The following WWOX variants were observed in gnomAD, a reference collection of about 807,000 sequenced individuals.
WWOX encodes WW domain-containing oxidoreductase.
WWOX carries 69 observed loss-of-function variants against 46.2 expected under a neutral mutation model. That is an observed-to-expected ratio of 1.49 (90% CI 1.23 to 1.82). WWOX has a LOEUF of 1.82. WWOX is among the 40% of genes most tolerant of loss of function. The probability of loss-of-function intolerance (pLI) is 0.00; values close to 1 mark genes in which losing one functional copy is unlikely to be tolerated. For synonymous variants in WWOX, 359 were observed against 202.6 expected (o/e 1.77, Z -6.56); for missense variants, 919 against 542.6 (o/e 1.69, Z -6.89).
At chr16:78,478,423 C>G (rs894776924) in intron 8 of WWOX, among the ~76,000 whole-genome samples, 2 of 152,096 alleles carry the variant, frequency 1.3e-5, no homozygotes, top group Admixed American at 6.5e-5. Flanking sequence ...ATTTACCACC[C>G]CGGGGTTCCT....
At chr16:79,176,971 G>A (rs1382648441) in intron 8 of WWOX, among the ~76,000 whole-genome samples, 3 of 152,090 alleles carry the variant, frequency 2.0e-5, no homozygotes, top group Non-Finnish European at 4.4e-5. Flanking sequence ...GCTGAAAATG[G>A]AGTACAATGA....
chr16:78,693,020 A>G lies in WWOX; in HGVS notation c.1056+260268A>G, dbSNP rs528719956. On this transcript the variant is annotated intron_variant, in intron 8 of 8. Transcript: ENST00000566780. ...ATCCACGGAAGAGTTTGAAAGCCCAACCATATGGACATCATATTATTCATT... is the reference window on the plus strand; with the variant it reads ...ATCCACGGAAGAGTTTGAAAGCCCAGCCATATGGACATCATATTATTCATT... Among the ~76,000 whole-genome samples, 351 of 152,312 alleles carry G rather than the reference A, an allele frequency of 2.3e-3. 4 individuals carry two copies. The highest frequency in any genetic ancestry group is 8.0e-3 in the African/African-American group (334 of 41,566).
intron 8 of WWOX, among the ~76,000 whole-genome samples, chr16:78,754,639 T>G (rs900830987): frequency 4.6e-5 from 7 of 152,210 alleles, no homozygotes; most frequent in Non-Finnish European, 8.8e-5. Context: ...GCATGGAAAC[T>G]GGGCATTTTA....
chr16:78,290,232 C>T (rs1328980781), intron 5 of WWOX, among the ~76,000 whole-genome samples: 6 of 148,814 alleles, frequency 4.0e-5, no homozygotes. Flanking sequence ...AGAGAGCACT[C>T]TGCGAGCACT....
chr16:79,145,271 G>C (rs2050163836), intron 8 of WWOX, among the ~76,000 whole-genome samples: 1 of 152,148 alleles, frequency 6.6e-6, no homozygotes, highest in Non-Finnish European at 1.5e-5. Context: ...CTCAAATTCA[G>C]AAGTCGTGAT....
At chr16:78,429,216 G>A (rs1200661175) in intron 7 of WWOX, among the ~76,000 whole-genome samples, 1 of 152,296 alleles carries the variant, frequency 6.6e-6, no homozygotes, top group Non-Finnish European at 1.5e-5. Context: ...TGATGACAGA[G>A]GAGCAATGTA....
At chr16:78,663,302 T>C (rs1032131253) in intron 8 of WWOX, among the ~76,000 whole-genome samples, 4 of 152,332 alleles carry the variant, frequency 2.6e-5, no homozygotes, top group African/African-American at 9.6e-5. Context: ...TTGTGTTATT[T>C]CATGTATTAA....
intron 8 of WWOX, among the ~76,000 whole-genome samples, chr16:78,508,982 G>C (rs1408502139): frequency 6.6e-6 from 1 of 152,264 alleles, no homozygotes; most frequent in Non-Finnish European, 1.5e-5. Flanking sequence ...GATTTCGCCA[G>C]CAGGATCTCC....
chr16:79,041,383 A>G (rs1326962853), intron 8 of WWOX, among the ~76,000 whole-genome samples: 1 of 152,088 alleles, frequency 6.6e-6, no homozygotes, highest in East Asian at 1.9e-4. Context: ...CCATTCCCTG[A>G]TATAAGGATT....
At chr16:78,533,451 A>C (rs1047677977) in intron 8 of WWOX, among the ~76,000 whole-genome samples, 7 of 151,974 alleles carry the variant, frequency 4.6e-5, no homozygotes, top group African/African-American at 1.5e-4. Context: ...ATAATGTTTT[A>C]AGAAAGTTTA....
intron 8 of WWOX, among the ~76,000 whole-genome samples, chr16:79,084,402 G>A (rs2048817033): frequency 6.6e-6 from 1 of 152,080 alleles, no homozygotes; most frequent in Non-Finnish European, 1.5e-5. Context: ...TTCCTAAAAT[G>A]GTGATAACAG....
chr16:78,412,504 G>A (rs145158121), intron 6 of WWOX, among the ~76,000 whole-genome samples: 1 of 152,226 alleles, frequency 6.6e-6, no homozygotes, highest in East Asian at 1.9e-4. Flanking sequence ...TTTTAGAGAT[G>A]GAATGAAAAG....
At chr16:78,394,503 A>G (rs980016272) in intron 6 of WWOX, among the ~76,000 whole-genome samples, 1 of 152,200 alleles carries the variant, frequency 6.6e-6, no homozygotes, top group African/African-American at 2.4e-5. Context: ...TGCCTTCTGA[A>G]ACTTTTTCAG....
chr16:79,071,852 G>A (rs1250069696), intron 8 of WWOX, among the ~76,000 whole-genome samples: 1 of 152,222 alleles, frequency 6.6e-6, no homozygotes, highest in Non-Finnish European at 1.5e-5. Flanking sequence ...GGAGACAATG[G>A]TCAGCAGTGT....
At chr16:78,765,094 G>C (rs1444371863) in intron 8 of WWOX, among the ~76,000 whole-genome samples, 1 of 152,314 alleles carries the variant, frequency 6.6e-6, no homozygotes, top group East Asian at 1.9e-4. Flanking sequence ...TGGAGAGGAT[G>C]GGTGGCGGCT....
chr16:78,924,616 C>G (rs377573161), intron 8 of WWOX, among the ~76,000 whole-genome samples: 32 of 152,276 alleles, frequency 2.1e-4, no homozygotes, highest in Admixed American at 1.1e-3. Context: ...TATCAGAGTC[C>G]TTTTGACTGT....
intron 8 of WWOX, among the ~76,000 whole-genome samples, chr16:78,647,457 G>A (rs146877954): frequency 1.3e-3 from 202 of 152,224 alleles, no homozygotes; most frequent in African/African-American, 4.6e-3. Context: ...TCATGGACCC[G>A]TTCAGTACAC....
chr16:78,759,919 A>C (rs1367533545), intron 8 of WWOX, among the ~76,000 whole-genome samples: 3 of 152,026 alleles, frequency 2.0e-5, no homozygotes, highest in Non-Finnish European at 4.4e-5. Flanking sequence ...CAGCACTCTA[A>C]TCTCTGCTTT....
intron 5 of WWOX, among the ~76,000 whole-genome samples, chr16:78,350,734 T>C (rs2081169136): frequency 8.2e-6 from 1 of 121,446 alleles, no homozygotes; most frequent in South Asian, 2.4e-4. Context: ...ACATTTTGGC[T>C]ATTGTGCATA....
Sources: gnomAD v4.1 joint callset for allele counts (sites outside exome capture counted in the v4.1 genomes callset) on GRCh38, gnomAD v4.1.1 for gene constraint, MANE v1.5 for transcripts, NCBI Gene and HGNC (gene_info 2026-07-23, HGNC 2026-07-21) for gene names.